NOL6: variants seen among roughly 807,000 people sequenced by gnomAD.
The protein encoded by NOL6 is nucleolar protein 6.
A neutral mutation model predicts 131.7 loss-of-function variants in NOL6; 33 were observed. The ratio of observed to expected loss-of-function variants is 0.25; its 90% CI spans 0.19 to 0.33. NOL6 has a LOEUF of 0.33. Ranked by LOEUF, NOL6 falls within the 10% of genes least tolerant of loss-of-function variation. NOL6 has a pLI of 1.00. For synonymous variants in NOL6, 580 were observed against 605.7 expected, an observed-to-expected ratio of 0.96 and a Z score of 0.62; for missense variants, 1,297 against 1,494.5, an observed-to-expected ratio of 0.87 and a Z score of 2.18.
In NOL6 at chr9:33,467,823, C is replaced by A; in HGVS notation, c.1470G>T (p.Lys490Asn). 1 of 1,604,582 alleles carries A rather than the reference C, an allele frequency of 6.2e-7. No homozygotes were observed. The highest frequency in any genetic ancestry group is 8.5e-7 in the Non-Finnish European group (1 of 1,175,608). ...SRLQAACHRL[K>N]LWPELQDNGG... Reference sequence around the variant, plus strand: ...CATTGTCCTGCAGCTCTGGCCAGAGCTTCAGCCGGTGGCACGCTGCCTGCA... The same window carrying A: ...CATTGTCCTGCAGCTCTGGCCAGAGATTCAGCCGGTGGCACGCTGCCTGCA... Residue 490 changes from lysine to asparagine, a missense_variant, in exon 12 of 26, where the codon AAG becomes AAT. Physicochemically the swap from Lys to Asn is moderately conservative, Grantham distance 94. Transcript: ENST00000297990. The surrounding 1 kb of genome is among the most constrained non-coding windows in gnomAD (Gnocchi z 4.4).
At chr9:33,462,985 G>A in intron 25 of NOL6, 48 bp downstream of exon 25, 1 of 1,576,026 alleles carries the variant, frequency 6.3e-7, no homozygotes, top group Non-Finnish European at 8.7e-7. Flanking sequence ...TGCCCACACA[G>A]AACCACGTGC....
chr9:33,468,773 T>G lies in NOL6; in HGVS notation c.1126A>C (p.Arg376=), dbSNP rs1827322947. Residue 376 remains arginine (R), a synonymous_variant, in exon 8 of 26, where the codon AGA becomes CGA. Coordinates refer to ENST00000297990, the MANE Select transcript of NOL6 (RefSeq NM_022917.5). ...TCACCCAGAAACTGCAAGACACTTC[T>G]CAGGACCTGGTAGCCACTCATGGTG... is the stretch of plus-strand genomic sequence containing the variant. The part of the protein sequence containing the change: ...HTTMSGYQVL[R]SVLQFLATTD... 1 of 1,614,048 alleles carries G rather than the reference T, an allele frequency of 6.2e-7. No homozygotes were observed. Among genetic ancestry groups the G allele is most frequent in the Admixed American group, 1.7e-5 (1 of 60,006 alleles).
Position 33,467,716 on chromosome 9 carries a change from G to A in NOL6, c.1577C>T (p.Ala526Val), listed in dbSNP as rs1160166072. ...QGLGARLNLL[A>V]HSRPPVPEWD... ...CTCTGGGACTGGGGGTCGAGAGTGA[G>A]CCAGCAGGTTCAGCCGAGCCCCCAG... is the stretch of plus-strand genomic sequence containing the variant. The change falls in exon 12 of 26, where the codon GCT (alanine) becomes GTT (valine). Residue 526 changes from alanine to valine, a missense_variant. By Grantham distance (64) the Ala-to-Val change is moderately conservative (BLOSUM62 0). Transcript: ENST00000297990. The surrounding 1 kb of genome is among the most constrained non-coding windows in gnomAD (Gnocchi z 4.4). 2 of 1,577,222 alleles carry A rather than the reference G, an allele frequency of 1.3e-6. No homozygotes were observed. Among genetic ancestry groups the A allele is most frequent in the Admixed American group, 3.7e-5 (2 of 53,916 alleles).
Position 33,465,739 on chromosome 9 carries a change from C to T in NOL6, c.2523G>A (p.Leu841=), listed in dbSNP as rs754761226. 3.7e-6 allele frequency: 6 copies of T among 1,612,426 alleles called. No individual in the cohort carries two copies. The South Asian group carries it at 5.5e-5, about 15-fold the overall frequency. The change falls in exon 19 of 26, where the codon CTG becomes CTA. Residue 841 remains leucine (L), a synonymous_variant. Transcript: ENST00000297990. ...TRQLPLLTSA[L]HGLQQQHPAF... is the part of the protein sequence containing the mutation. ...AGCTGTGTCAGTGGCCTTACCCGTG[C>T]AGGGCACTGGTGAGCAGTGGCAACT...
rs1255764632 is a variant in NOL6 at position 33,462,545 on chromosome 9, A to C, written c.*119T>G. On this transcript the variant is annotated 3_prime_UTR_variant, in exon 26 of 26. Coordinates refer to ENST00000297990, the MANE Select transcript of NOL6 (RefSeq NM_022917.5). Reference sequence around the variant, plus strand: ...TTGTTGGAGATGATTCAGCATGTTCAGCCAGCAGGCCCTCCATGGAGGATT... The same window carrying C: ...TTGTTGGAGATGATTCAGCATGTTCCGCCAGCAGGCCCTCCATGGAGGATT... The C allele has an allele frequency of 8.6e-7, 1 of 1,167,680 alleles. No individual in the cohort carries two copies. Among genetic ancestry groups the C allele is most frequent in the Non-Finnish European group, 1.2e-6 (1 of 818,496 alleles). 72.3% of individuals were successfully genotyped at this position (1,167,680 alleles called of 1,614,324 possible). A position where few individuals can be genotyped will look rare whatever the true frequency, so the allele number is the denominator to read the frequency against.
Position 33,468,140 on chromosome 9 carries a change from C to T in NOL6, c.1314G>A (p.Gln438=), listed in dbSNP as rs931975945. The T allele has an allele frequency of 6.2e-7, 1 of 1,614,106 alleles. No individual in the cohort carries two copies. The highest frequency in any genetic ancestry group is 1.7e-5 in the Admixed American group (1 of 60,014). ...ACATCATAGACAGCCGTGCCTCATG[C>T]TGTACCTGGAGCCACAGAAGGGACC... ...DVTASTYHQV[Q]HEARLSMMLL... is the part of the protein sequence containing the mutation. Residue 438 remains glutamine (Q), a synonymous_variant, in exon 11 of 26, where the codon CAG becomes CAA. Coordinates refer to ENST00000297990, the MANE Select transcript of NOL6 (RefSeq NM_022917.5).
chr9:33,462,623 A>C lies in NOL6; in HGVS notation c.*41T>G. The C allele has an allele frequency of 1.2e-6, 2 of 1,608,838 alleles. No individual in the cohort carries two copies. The highest frequency in any genetic ancestry group is 1.7e-6 in the Non-Finnish European group (2 of 1,176,174). On this transcript the variant is annotated 3_prime_UTR_variant, in exon 26 of 26. Coordinates refer to ENST00000297990, the MANE Select transcript of NOL6 (RefSeq NM_022917.5). ...TACTGACATCTTGCTCTAGAGGTCC[A>C]ATGTCCTGCTGTCCGTCTACAGCTT...
At position 33,467,431 on chromosome 9, in the gene NOL6, C is replaced by G; in HGVS notation, c.1688G>C (p.Ser563Thr). The change falls in exon 13 of 26, where the codon AGC becomes ACC. Residue 563 changes from serine (S) to threonine (T), a missense_variant. By Grantham distance (58) the Ser-to-Thr change is moderately conservative (BLOSUM62 1). Coordinates refer to ENST00000297990, the MANE Select transcript of NOL6 (RefSeq NM_022917.5). This position sits in a 1 kb window ranked among gnomAD's most constrained non-coding sequence, Gnocchi z 4.4. ...GLLLRPEGLTSVLELGPEADQ... is the reference protein window; with the variant it reads ...GLLLRPEGLTTVLELGPEADQ... ...TGCCTCTGGACCCAGCTCAAGGACGCTGGTCAGTCCCTCAGGCCGGAGAAG... is the reference window on the plus strand; with the variant it reads ...TGCCTCTGGACCCAGCTCAAGGACGGTGGTCAGTCCCTCAGGCCGGAGAAG... The G allele has an allele frequency of 6.2e-7, 1 of 1,614,228 alleles. No homozygotes were observed. The highest frequency in any genetic ancestry group is 8.5e-7 in the Non-Finnish European group (1 of 1,180,028).
At chr9:33,471,908 C>T in intron 3 of NOL6, 96 bp downstream of exon 3, 1 of 910,156 alleles carries the variant, frequency 1.1e-6, no homozygotes, top group Non-Finnish European at 1.8e-6. Flanking sequence ...TCCCTGCACC[C>T]CAACCCTTAA....
At chr9:33,463,800 G>A in intron 23 of NOL6, 31 bp downstream of exon 23, 2 of 1,605,424 alleles carry the variant, frequency 1.2e-6, no homozygotes, top group South Asian at 2.2e-5. Flanking sequence ...ATCCCCAGAG[G>A]CCCTGGAGTC....
chr9:33,466,756 G>A (rs778636520), intron 15 of NOL6, 47 bp from the exon 16 acceptor site: 1 of 1,605,172 alleles, frequency 6.2e-7, no homozygotes, highest in Admixed American at 1.7e-5. Context: ...CAGAAGGCCA[G>A]CTTCACCTGG....
rs761697662 is a variant in NOL6, at chr9:33,467,165, A to G, written c.1823T>C (p.Met608Thr). ...GTGGGGAATAAGGCGCTTCTGGGAC[A>G]TAGAGGCTGCCTCCCAGACCACAGC... is the stretch of plus-strand genomic sequence containing the variant. ...REAVVWEAAS[M>T]SQKRLIPHQV... The change falls in exon 14 of 26, where the codon ATG becomes ACG. Residue 608 changes from methionine to threonine, a missense_variant. By Grantham distance (81) the Met-to-Thr change is moderately conservative. Transcript: ENST00000297990. This position sits in a 1 kb window ranked among gnomAD's most constrained non-coding sequence, Gnocchi z 4.4. 1 of 1,614,184 alleles carries G rather than the reference A, an allele frequency of 6.2e-7. No homozygotes were observed. Among genetic ancestry groups the G allele is most frequent in the South Asian group, 1.1e-5 (1 of 91,078 alleles).
In NOL6 at chr9:33,472,316, G is replaced by A; in HGVS notation, c.151C>T (p.Gln51Ter). 6.2e-7 allele frequency: 1 copy of A among 1,614,212 alleles called. No homozygotes were observed. Among genetic ancestry groups the A allele is most frequent in the Non-Finnish European group, 8.5e-7 (1 of 1,180,028 alleles). ...LAEPPAKGLL[Q>*]PVKLSRAELY... ...TCTGCCCTGCTGAGCTTCACTGGCT[G>A]CAGGAGGCCCTTCGCTGGAGGTTCA... Residue 51 changes from glutamine to a stop codon, truncating the protein, a stop_gained, in exon 2 of 26, where the codon CAG (glutamine) becomes TAG (stop). Transcript: ENST00000297990. LOFTEE classifies it high-confidence loss of function.
rs1437163467 is a variant in NOL6, at chr9:33,473,865, C to G, written c.-23G>C. 13 of 1,601,372 alleles carry G rather than the reference C, an allele frequency of 8.1e-6. No individual in the cohort carries two copies. Among genetic ancestry groups the G allele is most frequent in the Non-Finnish European group, 1.0e-5 (12 of 1,179,924 alleles). ...CATCACTCAGGGTCCAGCACTCTCC[C>G]GCACTTCAGATTCTAGCCGGGTCTA... On this transcript the variant is annotated 5_prime_UTR_variant, in exon 1 of 26. Transcript: ENST00000297990.
intron 21 of NOL6, 100 bp from the exon 22 acceptor site, chr9:33,464,261 C>T: frequency 7.2e-7 from 1 of 1,390,928 alleles, no homozygotes; most frequent in South Asian, 1.5e-5. Context: ...CTGCTCATCA[C>T]AGGTATTTTT....
rs755539636 is a variant in NOL6, at chr9:33,472,043, G to A, written c.339C>T (p.Asn113=). ...CTGAGGGCACCCTCACAACCCGCTG[G>A]TTGACCTCCCGTAGGAAGGCATCAA... ...DRIDAFLREV[N]QRVVRVPSVP... The change falls in exon 3 of 26, where the codon AAC becomes AAT. Residue 113 remains asparagine, a synonymous_variant. Transcript: ENST00000297990. 1 of 1,612,824 alleles carries A rather than the reference G, an allele frequency of 6.2e-7. No individual in the cohort carries two copies. The highest frequency in any genetic ancestry group is 1.7e-5 in the Admixed American group (1 of 59,996).
Position 33,462,593 on chromosome 9 carries a change from C to T in NOL6, c.*71G>A. ...ATTCATGTCCAAGGAGGGTGGAGGT[C>T]ATCCTACTGACATCTTGCTCTAGAG... On this transcript the variant is annotated 3_prime_UTR_variant, in exon 26 of 26. Coordinates refer to ENST00000297990, the MANE Select transcript of NOL6 (RefSeq NM_022917.5). The T allele has an allele frequency of 6.4e-7, 1 of 1,552,252 alleles. No homozygotes were observed. The highest frequency in any genetic ancestry group is 8.8e-7 in the Non-Finnish European group (1 of 1,133,222).
chr9:33,466,906 C>G lies in NOL6; in HGVS notation c.1950+6G>C. ...CAATCACTAGCCTTGACCCCAAGAC[C>G]CTTACCTCTTTCAGGCCTTGGATAA... On this transcript the variant is annotated splice_donor_region_variant and intron_variant, in intron 15 of 25. Coordinates refer to ENST00000297990, the MANE Select transcript of NOL6 (RefSeq NM_022917.5). 1.2e-6 allele frequency: 2 copies of G among 1,613,742 alleles called. No individual in the cohort carries two copies. Among genetic ancestry groups the G allele is most frequent in the African/African-American group, 1.3e-5 (1 of 75,036 alleles).
rs149301035 is a variant in NOL6 at position 33,465,993 on chromosome 9, C to T, written c.2364+78G>A. On this transcript the variant is annotated intron_variant, in intron 18 of 25. Coordinates refer to ENST00000297990, the MANE Select transcript of NOL6 (RefSeq NM_022917.5). ...GCCCTATTACCCAGCGTGGTACCCACAGGGGTGTCTTCTTCCACGCCCTGA... is the reference window on the plus strand; with the variant it reads ...GCCCTATTACCCAGCGTGGTACCCATAGGGGTGTCTTCTTCCACGCCCTGA... The T allele has an allele frequency of 1.5e-4, 235 of 1,563,680 alleles. No homozygotes were observed. In the African/African-American group the frequency reaches 2.7e-3, roughly 18 times the overall value.
Sources: allele counts gnomAD v4.1 joint callset, GRCh38; gene constraint gnomAD v4.1.1; non-coding constraint Gnocchi (gnomAD v3.1); transcripts MANE v1.5; gene names NCBI Gene and HGNC (gene_info 2026-07-23, HGNC 2026-07-21).